The following DPP6 variants were observed in gnomAD, a reference collection of about 807,000 sequenced individuals.
DPP6 encodes the protein A-type potassium channel modulatory protein DPP6.
A neutral mutation model predicts 122.6 loss-of-function variants in DPP6; 69 were observed. The observed-to-expected ratio is 0.56, with a 90% CI of 0.46 to 0.69. DPP6 has a LOEUF of 0.69. Ranked by LOEUF, DPP6 falls within the 30% of genes least tolerant of loss-of-function variation. DPP6 has a pLI of 0.00. For synonymous variants in DPP6, 418 were observed against 433.1 expected, an observed-to-expected ratio of 0.97 and a Z score of 0.43; for missense variants, 928 against 1,116.9, an observed-to-expected ratio of 0.83 and a Z score of 2.41.
chr7:153,902,974 G>A (rs773289326), intron 1 of DPP6, among the ~76,000 whole-genome samples: 4 of 152,200 alleles, frequency 2.6e-5, no homozygotes, highest in Non-Finnish European at 5.9e-5. Context: ...ACAAGCCAGA[G>A]CATTCAAATG....
At chr7:154,695,318 G>A (rs1022589633) in intron 7 of DPP6, among the ~76,000 whole-genome samples, 4 of 152,258 alleles carry the variant, frequency 2.6e-5, no homozygotes, top group Admixed American at 6.5e-5. Context: ...GGAGTCAAAC[G>A]AATACTATGA....
chr7:154,691,138 TTCCA>T (rs1156859791), intron 7 of DPP6, among the ~76,000 whole-genome samples: 2 of 152,216 alleles, frequency 1.3e-5, no homozygotes, highest in African/African-American at 2.4e-5. Flanking sequence ...CGGGGAAGGC[TTCCA>T]TGTCATGGAA....
At chr7:154,782,778 T>C (rs1797106877) in intron 10 of DPP6, among the ~76,000 whole-genome samples, 1 of 152,112 alleles carries the variant, frequency 6.6e-6, no homozygotes, top group Admixed American at 6.6e-5. Flanking sequence ...CATTTCTTTT[T>C]CTTTTTTATT....
rs11342253 is a variant in DPP6 at position 153,932,123 on chromosome 7, C to CTT, written c.51+44405_51+44406dup. 4.2e-3 allele frequency among the ~76,000 whole-genome samples: 573 copies of CTT among 135,696 alleles called. 4 individuals are homozygous for CTT. The highest frequency in any genetic ancestry group is 9.7e-3 in the East Asian group (44 of 4,546). 89.0% of individuals were successfully genotyped at this position (135,696 alleles called of 152,430 possible). On this transcript the variant is annotated intron_variant, in intron 1 of 25. Coordinates refer to the DPP6 transcript ENST00000404039. ...TTGGCTTTGATTTATCATTTTGTGC[C>CTT]TTTTTTTTTTTTTTTTTAACAGAAT...
At chr7:154,453,806 C>T (rs1392808736) in intron 2 of DPP6, among the ~76,000 whole-genome samples, 1 of 152,034 alleles carries the variant, frequency 6.6e-6, no homozygotes, top group East Asian at 1.9e-4. Context: ...GGTATGTCTA[C>T]TTTTATGCCT....
intron 1 of DPP6, among the ~76,000 whole-genome samples, chr7:154,245,629 CTG>C (rs1453023907): frequency 5.8e-5 from 3 of 51,850 alleles, no homozygotes; most frequent in South Asian, 1.1e-3. Context: ...AAGAGTAAGA[CTG>C]TCTCAAAAAA....
At chr7:153,823,482 C>G in the DPP6 span, among the ~76,000 whole-genome samples, 23,483 of 149,870 alleles carry the variant, frequency 0.16, 2,187 homozygotes, top group African/African-American at 0.25. Context: ...CCGCTGCCCT[C>G]TGCCTCAGGT....
the DPP6 span, among the ~76,000 whole-genome samples, chr7:153,851,248 A>C: frequency 6.6e-6 from 1 of 152,134 alleles, no homozygotes; most frequent in Non-Finnish European, 1.5e-5. Context: ...AAACATAAAC[A>C]ATCAGCAATT....
the DPP6 span, among the ~76,000 whole-genome samples, chr7:153,880,988 T>C: frequency 6.6e-6 from 1 of 152,250 alleles, no homozygotes; most frequent in Non-Finnish European, 1.5e-5. Context: ...TGGAATTTCT[T>C]GGATACATGC....
chr7:154,071,548 T>C (rs1307748730), intron 1 of DPP6, among the ~76,000 whole-genome samples: 12 of 152,188 alleles, frequency 7.9e-5, no homozygotes, highest in Non-Finnish European at 1.5e-4. Context: ...CCTGGAAATT[T>C]CCAAACATAC....
At chr7:153,786,740 G>GAAAAA in the DPP6 span, among the ~76,000 whole-genome samples, 3 of 31,800 alleles carry the variant, frequency 9.4e-5, no homozygotes, top group Admixed American at 4.3e-4. Flanking sequence ...CTCCGTCTCA[G>GAAAAA]AAAAAAAAAA....
chr7:153,765,038 C>G, the DPP6 span, among the ~76,000 whole-genome samples: 1 of 151,842 alleles, frequency 6.6e-6, no homozygotes, highest in Non-Finnish European at 1.5e-5. Flanking sequence ...TTTTCCTGAC[C>G]CAGTTGCACA....
intron 16 of DPP6, among the ~76,000 whole-genome samples, chr7:154,812,552 G>A (rs991855971): frequency 6.6e-6 from 1 of 152,064 alleles, no homozygotes; most frequent in Non-Finnish European, 1.5e-5. Flanking sequence ...TCCTCATGTG[G>A]TGGGAAAGAG....
chr7:154,589,386 C>T (rs1563902106), intron 5 of DPP6, among the ~76,000 whole-genome samples: 1 of 152,214 alleles, frequency 6.6e-6, no homozygotes, highest in Non-Finnish European at 1.5e-5. Context: ...TCCTTGTAGA[C>T]CACTTACTTT....
At position 154,769,409 on chromosome 7, in the gene DPP6, T is replaced by C. The variant is rs776455747; in HGVS notation, c.884-8T>C. Reference sequence around the variant, plus strand: ...CTATTCACATTTCTCTACTCTGTTTTCCCTTAGAGGAGATTTTGAAGACAC... The same window carrying C: ...CTATTCACATTTCTCTACTCTGTTTCCCCTTAGAGGAGATTTTGAAGACAC... On this transcript the variant is annotated splice_polypyrimidine_tract_variant and splice_region_variant and intron_variant, in intron 8 of 25. Coordinates refer to ENST00000377770, the MANE Select transcript of DPP6 (RefSeq NM_130797.4). 2 of 1,613,412 alleles carry C rather than the reference T, an allele frequency of 1.2e-6. No individual in the cohort carries two copies. Among genetic ancestry groups the C allele is most frequent in the Non-Finnish European group, 1.7e-6 (2 of 1,179,756 alleles).
intron 3 of DPP6, among the ~76,000 whole-genome samples, chr7:154,513,400 G>A (rs1826233936): frequency 6.6e-6 from 1 of 152,132 alleles, no homozygotes; most frequent in Admixed American, 6.5e-5. Flanking sequence ...AATTAGAGTT[G>A]AGTTTTTGTT....
intron 1 of DPP6, among the ~76,000 whole-genome samples, chr7:154,173,976 T>C (rs1051907476): frequency 1.3e-5 from 2 of 152,208 alleles, no homozygotes; most frequent in Non-Finnish European, 2.9e-5. Flanking sequence ...CATTCTGCCC[T>C]TTGCCTTCTT....
chr7:154,096,217 C>T (rs1467470989), intron 1 of DPP6, among the ~76,000 whole-genome samples: 1 of 73,340 alleles, frequency 1.4e-5, no homozygotes, highest in Non-Finnish European at 2.6e-5. Context: ...TGGGTTATGT[C>T]CTCACTGTGC....
At chr7:154,231,883 G>A (rs1457170566) in intron 1 of DPP6, among the ~76,000 whole-genome samples, 3 of 152,208 alleles carry the variant, frequency 2.0e-5, no homozygotes, top group Non-Finnish European at 4.4e-5. Flanking sequence ...TAGCCCTTGA[G>A]GTCAACCGGC....
Sources: gnomAD v4.1 joint callset for allele counts (sites outside exome capture counted in the v4.1 genomes callset) on GRCh38, gnomAD v4.1.1 for gene constraint, MANE v1.5 for transcripts, NCBI Gene and HGNC (gene_info 2026-07-23, HGNC 2026-07-21) for gene names.